MACIR: variants seen among roughly 807,000 people sequenced by gnomAD.
MACIR encodes UNC119-binding protein C5orf30.
A neutral mutation model predicts 14.3 loss-of-function variants in MACIR; 4 were observed. The observed-to-expected ratio is 0.28, with a 90% confidence interval of 0.14 to 0.64. The LOEUF is 0.64. Among genes scored for constraint, MACIR ranks in the 30% least tolerant of loss-of-function variants. The pLI is 0.83. For synonymous variants in MACIR, 101 were observed against 102.4 expected, an observed-to-expected ratio of 0.99 and a Z score of 0.08; for missense variants, 228 against 257.6, an observed-to-expected ratio of 0.89 and a Z score of 0.79.
chr5:103,273,773 C>G (rs782364366), intron 2 of MACIR, among the ~76,000 whole-genome samples: 53 of 152,220 alleles, frequency 3.5e-4, no homozygotes, highest in Non-Finnish European at 6.5e-4. Context: ...GAATTATTAC[C>G]CAATTTGGAA....
rs1193777254 is a variant in MACIR at position 103,265,234 on chromosome 5, A to G, written c.-113-674A>G. On this transcript the variant is annotated intron_variant, in intron 1 of 2. Transcript: ENST00000319933. ...CTTTTTTTGTTGTGTTATCCAAGAG[A>G]CTTCTAATCATTTGCCTCGCATCAG... Among the ~76,000 whole-genome samples, 40 of 152,106 alleles carry G rather than the reference A, an allele frequency of 2.6e-4. 1 individual carries two copies. The highest frequency in any genetic ancestry group is 2.6e-3 in the Admixed American group (40 of 15,264).
intron 2 of MACIR, among the ~76,000 whole-genome samples, chr5:103,272,453 T>C (rs971155155): frequency 2.0e-5 from 3 of 151,904 alleles, no homozygotes; most frequent in Non-Finnish European, 4.4e-5. Flanking sequence ...TTCTGCCCAT[T>C]GTAAAAATAA....
At chr5:103,265,056 T>C (rs1554236640) in intron 1 of MACIR, among the ~76,000 whole-genome samples, 1 of 152,082 alleles carries the variant, frequency 6.6e-6, no homozygotes, top group Non-Finnish European at 1.5e-5. Context: ...TTTCCTCGTC[T>C]CAGCAAATTA....
At chr5:103,274,435 G>A (rs1405377934) in intron 2 of MACIR, among the ~76,000 whole-genome samples, 1 of 151,460 alleles carries the variant, frequency 6.6e-6, no homozygotes, top group African/African-American at 2.4e-5. Flanking sequence ...AGGGTTCAGG[G>A]ACTAGAGTAT....
intron 2 of MACIR, among the ~76,000 whole-genome samples, chr5:103,268,424 G>A (rs782371534): frequency 6.6e-6 from 1 of 152,014 alleles, no homozygotes; most frequent in Non-Finnish European, 1.5e-5. Context: ...AGCCCACAGA[G>A]GATTAGGAAC....
intron 2 of MACIR, among the ~76,000 whole-genome samples, chr5:103,272,849 A>G (rs1805185225): frequency 6.6e-6 from 1 of 152,238 alleles, no homozygotes; most frequent in Admixed American, 6.5e-5. Context: ...GCAGAGACCA[A>G]TGAACCACCC....
intron 2 of MACIR, among the ~76,000 whole-genome samples, chr5:103,272,479 T>C (rs1462215483): frequency 6.6e-6 from 1 of 152,162 alleles, no homozygotes; most frequent in African/African-American, 2.4e-5. Context: ...GCAAGTTGAT[T>C]CTGTAACTGT....
intron 1 of MACIR, 188 bp downstream of exon 1, chr5:103,259,084 GA>G (rs1190009650): frequency 6.6e-6 from 1 of 152,312 alleles, no homozygotes; most frequent in East Asian, 1.9e-4. Context: ...CGGTGCTGGG[GA>G]AACCCGGCCG....
rs1554237594 is a variant in MACIR at position 103,275,866 on chromosome 5, ATTC to A, written c.-23-26_-23-24del. 8 of 1,555,110 alleles carry A rather than the reference ATTC, an allele frequency of 5.1e-6. No homozygotes were observed. The African/African-American group carries it at 1.1e-4, about 21-fold the overall frequency. On this transcript the variant is annotated intron_variant, in intron 2 of 2. Coordinates refer to ENST00000319933, the MANE Select transcript of MACIR (RefSeq NM_033211.4). ...CCTGGCCCAAGTCTCTGTGCATTATATTCTTCTAATCTAAGTCTGTTTACTTTT... is the reference window on the plus strand; with the variant it reads ...CCTGGCCCAAGTCTCTGTGCATTATATTCTAATCTAAGTCTGTTTACTTTT...
intron 1 of MACIR, among the ~76,000 whole-genome samples, chr5:103,263,806 G>A (rs910551338): frequency 1.1e-4 from 17 of 152,158 alleles, no homozygotes; most frequent in African/African-American, 3.1e-4. Context: ...GAAATAAAGC[G>A]GAAATATATA....
rs1163490588 is a variant in MACIR at position 103,275,948 on chromosome 5, G to T, written c.29G>T (p.Arg10Ile). 1 of 1,613,644 alleles carries T rather than the reference G, an allele frequency of 6.2e-7. No homozygotes were observed. Among genetic ancestry groups the T allele is most frequent in the Non-Finnish European group, 8.5e-7 (1 of 1,179,960 alleles). ...GAAGTCGATATTAATGGAGAGTCTAGAAGTACCCTGACCACCTTGCCCTTC... is the reference window on the plus strand; with the variant it reads ...GAAGTCGATATTAATGGAGAGTCTATAAGTACCCTGACCACCTTGCCCTTC... MEVDINGES[R>I]STLTTLPFPG... Residue 10 changes from arginine to isoleucine, a missense_variant, in exon 3 of 3, where the codon AGA becomes ATA. Physicochemically the swap from Arg to Ile is moderately conservative, Grantham distance 97. Coordinates refer to ENST00000319933, the MANE Select transcript of MACIR (RefSeq NM_033211.4).
In MACIR at chr5:103,276,023, G is replaced by T. The variant is rs1554237627; in HGVS notation, c.104G>T (p.Arg35Leu). 6 of 1,613,954 alleles carry T rather than the reference G, an allele frequency of 3.7e-6. No homozygotes were observed. Among genetic ancestry groups the T allele is most frequent in the African/African-American group, 1.3e-5 (1 of 74,892 alleles). ...GGAAAGGCGGAGGCAGAGAAGCCCC[G>T]CTGCTCCAGCACACCCTGCTCCCCG... is the stretch of plus-strand genomic sequence containing the variant. Reference protein sequence around the residue: ...SPGKAEAEKPRCSSTPCSPMR... With the variant: ...SPGKAEAEKPLCSSTPCSPMR... The change falls in exon 3 of 3, where the codon CGC (arginine) becomes CTC (leucine). Residue 35 changes from arginine (R) to leucine (L), a missense_variant. Coordinates refer to ENST00000319933, the MANE Select transcript of MACIR (RefSeq NM_033211.4).
In MACIR at chr5:103,276,052, C is replaced by T. The variant is rs1015296666; in HGVS notation, c.133C>T (p.Arg45Trp). 2.5e-6 allele frequency: 4 copies of T among 1,613,902 alleles called. No homozygotes were observed. Among genetic ancestry groups the T allele is most frequent in the African/African-American group, 1.3e-5 (1 of 74,868 alleles). The change falls in exon 3 of 3, where the codon CGG becomes TGG. Residue 45 changes from arginine to tryptophan, a missense_variant. Coordinates refer to ENST00000319933, the MANE Select transcript of MACIR (RefSeq NM_033211.4). The part of the protein sequence containing the change: ...RCSSTPCSPM[R>W]RTVSGYQILH... ...CTCCAGCACACCCTGCTCCCCGATG[C>T]GGAGGACCGTGTCAGGCTACCAGAT...
upstream of MACIR, chr5:103,258,750 A>G (rs1300289316): frequency 6.5e-6 from 1 of 152,860 alleles, no homozygotes; most frequent in Non-Finnish European, 1.5e-5. Flanking sequence ...GCTGGCGCCG[A>G]GCGCGGTGGG....
In MACIR at chr5:103,276,033, C is replaced by T. The variant is rs1323696564; in HGVS notation, c.114C>T (p.Ser38=). 1.9e-6 allele frequency: 3 copies of T among 1,614,052 alleles called. No homozygotes were observed. In the African/African-American group the frequency reaches 4.0e-5, roughly 22 times the overall value. ...AGGCAGAGAAGCCCCGCTGCTCCAG[C>T]ACACCCTGCTCCCCGATGCGGAGGA... ...KAEAEKPRCS[S]TPCSPMRRTV... The change falls in exon 3 of 3, where the codon AGC becomes AGT. Residue 38 remains serine (S), a synonymous_variant. Coordinates refer to ENST00000319933, the MANE Select transcript of MACIR (RefSeq NM_033211.4).
chr5:103,264,774 A>T (rs1804861512), intron 1 of MACIR, among the ~76,000 whole-genome samples: 1 of 152,128 alleles, frequency 6.6e-6, no homozygotes, highest in Non-Finnish European at 1.5e-5. Context: ...GCACATATTA[A>T]ACTCAGTAAT....
chr5:103,268,484 A>G (rs1175819656), intron 2 of MACIR, among the ~76,000 whole-genome samples: 3 of 152,226 alleles, frequency 2.0e-5, no homozygotes, highest in African/African-American at 7.2e-5. Context: ...TAAGCAGCCA[A>G]AAATTATGTT....
intron 1 of MACIR, among the ~76,000 whole-genome samples, chr5:103,263,855 G>C (rs144251871): frequency 3.3e-5 from 5 of 152,068 alleles, no homozygotes; most frequent in Non-Finnish European, 7.4e-5. Context: ...AGACGGTATT[G>C]GTTGATACCT....
intron 2 of MACIR, among the ~76,000 whole-genome samples, chr5:103,269,434 G>A (rs1319449553): frequency 1.4e-5 from 2 of 145,742 alleles, no homozygotes; most frequent in Non-Finnish European, 3.1e-5. Flanking sequence ...CTCTTATATG[G>A]TATTGCTGTA....
Sources: gnomAD v4.1 joint callset for allele counts (sites outside exome capture counted in the v4.1 genomes callset) on GRCh38, gnomAD v4.1.1 for gene constraint, MANE v1.5 for transcripts, NCBI Gene and HGNC (gene_info 2026-07-23, HGNC 2026-07-21) for gene names.